TESK2: variants seen among roughly 807,000 people sequenced by gnomAD.
The protein encoded by TESK2 is testis associated actin remodelling kinase 2.
Under a neutral mutation model 57.1 loss-of-function variants are expected in TESK2, and 39 were observed. That is an observed-to-expected ratio of 0.68 (90% CI 0.53 to 0.89). The LOEUF is 0.89. Among genes scored for constraint, TESK2 ranks in the 40% least tolerant of loss-of-function variants. The pLI is 0.00. For missense variants in TESK2, 646 were observed against 732.1 expected (o/e 0.88, Z 1.36); for synonymous variants, 249 against 267.9 (o/e 0.93, Z 0.69).
chr1:45,477,912 C>T (rs1258266500), intron 1 of TESK2, among the ~76,000 whole-genome samples: 1 of 152,226 alleles, frequency 6.6e-6, no homozygotes, highest in East Asian at 1.9e-4. Context: ...TCATGTCATT[C>T]TAGCTCTTGT....
intron 4 of TESK2, among the ~76,000 whole-genome samples, chr1:45,360,854 G>A (rs1557542975): frequency 6.6e-6 from 1 of 152,200 alleles, no homozygotes; most frequent in African/African-American, 2.4e-5. Flanking sequence ...GTCTCACTCT[G>A]TCCCTCAGGC....
intron 4 of TESK2, among the ~76,000 whole-genome samples, chr1:45,377,846 T>A (rs972132407): frequency 6.6e-6 from 1 of 151,260 alleles, no homozygotes. Flanking sequence ...GCCAACATGG[T>A]GAAAACATGT....
chr1:45,438,977 T>A (rs1651336021), intron 2 of TESK2, among the ~76,000 whole-genome samples: 1 of 152,166 alleles, frequency 6.6e-6, no homozygotes, highest in Admixed American at 6.6e-5. Flanking sequence ...TTTGGAAAGT[T>A]AAAAAATTAG....
intron 9 of TESK2, 122 bp from the exon 10 acceptor site, chr1:45,346,116 G>A: frequency 1.3e-6 from 1 of 756,420 alleles, no homozygotes. Flanking sequence ...TTTTCTAAAG[G>A]CCCCAGACAA....
chr1:45,351,422 C>A (rs1469650724), intron 5 of TESK2, among the ~76,000 whole-genome samples: 1 of 152,192 alleles, frequency 6.6e-6, no homozygotes, highest in East Asian at 1.9e-4. Context: ...ACATTTTACT[C>A]TTAGAGCATT....
chr1:45,479,968 G>A (rs546415032), intron 1 of TESK2, among the ~76,000 whole-genome samples: 5 of 151,512 alleles, frequency 3.3e-5, no homozygotes, highest in East Asian at 2.0e-4. Context: ...AACTACAGGC[G>A]CATGCCACCA....
intron 1 of TESK2, among the ~76,000 whole-genome samples, chr1:45,478,874 C>T (rs191418706): frequency 8.3e-4 from 127 of 152,226 alleles, no homozygotes; most frequent in African/African-American, 3.0e-3. Flanking sequence ...CAGATGCACA[C>T]CACCATGCCC....
At chr1:45,462,879 TCTC>T (rs1159374341) in intron 1 of TESK2, among the ~76,000 whole-genome samples, 1 of 152,216 alleles carries the variant, frequency 6.6e-6, no homozygotes, top group Admixed American at 6.5e-5. Context: ...GGTTCCCTCT[TCTC>T]CACATCTTGG....
intron 1 of TESK2, among the ~76,000 whole-genome samples, chr1:45,459,737 G>A (rs1334195430): frequency 1.3e-5 from 2 of 152,188 alleles, no homozygotes; most frequent in South Asian, 2.1e-4. Context: ...CAGCTACACA[G>A]GTGGCTGAGG....
intron 1 of TESK2, among the ~76,000 whole-genome samples, chr1:45,468,144 C>G (rs1307911560): frequency 6.6e-6 from 1 of 151,248 alleles, no homozygotes; most frequent in African/African-American, 2.4e-5. Flanking sequence ...CTACTGCATT[C>G]CAGCCTGGGC....
At chr1:45,441,763 C>T (rs1336837795) in intron 2 of TESK2, among the ~76,000 whole-genome samples, 3 of 151,654 alleles carry the variant, frequency 2.0e-5, no homozygotes, top group Non-Finnish European at 2.9e-5. Context: ...ATTACAGGTA[C>T]GTGCCACCAC....
rs1431412131 is a variant in TESK2 at position 45,346,963 on chromosome 1, C to T, written c.792+16G>A. ...TAGCCCCATCAGTGGCAATGATCCC[C>T]ATGCTTGCAGCTCACCTCTGTGCGG... On this transcript the variant is annotated intron_variant, in intron 8 of 10. Transcript: ENST00000372086. 1 of 1,613,614 alleles carries T rather than the reference C, an allele frequency of 6.2e-7. No individual in the cohort carries two copies. The highest frequency in any genetic ancestry group is 8.5e-7 in the Non-Finnish European group (1 of 1,179,610).
At chr1:45,347,178 GCCCA>G in intron 7 of TESK2, 116 bp from the exon 8 acceptor site, 1 of 808,718 alleles carries the variant, frequency 1.2e-6, no homozygotes, top group Non-Finnish European at 2.0e-6. Flanking sequence ...GGGCCATATT[GCCCA>G]TACTTCATCC....
At chr1:45,371,011 C>A (rs1348975940) in intron 4 of TESK2, among the ~76,000 whole-genome samples, 1 of 151,320 alleles carries the variant, frequency 6.6e-6, no homozygotes, top group East Asian at 1.9e-4. Flanking sequence ...ACAGTCTTTG[C>A]AACAAATGAG....
At chr1:45,384,593 ATTTTTTTTTT>A (rs59988269) in intron 4 of TESK2, among the ~76,000 whole-genome samples, 175 of 70,846 alleles carry the variant, frequency 2.5e-3, no homozygotes, top group African/African-American at 8.4e-3. Context: ...CTAATTATTA[ATTTTTTTTTT>A]TTTTTTTTTT....
intron 1 of TESK2, among the ~76,000 whole-genome samples, chr1:45,488,047 G>T (rs183174931): frequency 6.6e-6 from 1 of 151,642 alleles, no homozygotes; most frequent in South Asian, 2.1e-4. Flanking sequence ...TCCAGTAGCT[G>T]GGACAACAGG....
chr1:45,458,447 C>A (rs1166603140), intron 1 of TESK2, among the ~76,000 whole-genome samples: 2 of 152,058 alleles, frequency 1.3e-5, no homozygotes, highest in African/African-American at 4.8e-5. Flanking sequence ...CACCTGTAAT[C>A]TCAGCTACTC....
In TESK2 at chr1:45,344,181, C is replaced by G. The variant is rs1647103455; in HGVS notation, c.*659G>C. On this transcript the variant is annotated 3_prime_UTR_variant, in exon 11 of 11. Coordinates refer to ENST00000372086, the MANE Select transcript of TESK2 (RefSeq NM_007170.3). ...CACTCCCAACCACAAGGTTGAAAGT[C>G]TTATGGGGCAGAACATTAAGACTCC... The G allele has an allele frequency of 6.2e-6, 1 of 161,484 alleles. No homozygotes were observed. Among genetic ancestry groups the G allele is most frequent in the African/African-American group, 2.4e-5 (1 of 41,548 alleles). 10.0% of individuals were successfully genotyped at this position (161,484 alleles called of 1,614,324 possible).
At chr1:45,421,878 T>C in intron 2 of TESK2, 32 bp from the exon 3 acceptor site, 1 of 1,611,812 alleles carries the variant, frequency 6.2e-7, no homozygotes, top group East Asian at 2.2e-5. Context: ...GAAAAGAGGG[T>C]CAAGGGCAAT....
Sources: allele counts gnomAD v4.1 joint callset (sites outside exome capture counted in the v4.1 genomes callset), GRCh38; gene constraint gnomAD v4.1.1; transcripts MANE v1.5; gene names NCBI Gene and HGNC (gene_info 2026-07-23, HGNC 2026-07-21).